Variants in CARS1 observed in about 807,000 individuals in gnomAD.
CARS1 encodes the protein cysteinyl-tRNA synthetase 1.
CARS1 carries 48 observed loss-of-function variants against 106.2 expected under a neutral mutation model. That is an observed-to-expected ratio of 0.45 (90% confidence interval 0.36 to 0.57). CARS1 has a LOEUF of 0.57. CARS1 is among the 20% of genes least tolerant of loss of function. CARS1 has a pLI of 0.00. For missense variants in CARS1, 968 were observed against 1,057.2 expected (o/e 0.92, Z 1.17); for synonymous variants, 409 against 403.4 (o/e 1.01, Z -0.17).
Position 3,039,753 on chromosome 11 carries a change from CATT to C in CARS1, c.552+79_552+81del. ...GAAAACACAAGCTAGCTCAAGCCTA[CATT>C]ATTTACTTATGCGAAAGTTCTATCT... On this transcript the variant is annotated intron_variant, in intron 5 of 22. Coordinates refer to ENST00000380525, the MANE Select transcript of CARS1 (RefSeq NM_001014437.3). The surrounding 1 kb of genome is among the most constrained non-coding windows in gnomAD (Gnocchi z 5.6). The C allele has an allele frequency of 1.5e-6, 1 of 681,790 alleles. No homozygotes were observed. The highest frequency in any genetic ancestry group is 2.8e-5 in the East Asian group (1 of 35,170). 42.2% of individuals were successfully genotyped at this position (681,790 alleles called of 1,614,324 possible).
intron 22 of CARS1, 151 bp from the exon 23 acceptor site, chr11:3,001,399 C>T (rs2301140): frequency 0.37 from 311,858 of 835,508 alleles, 61,478 homozygotes; most frequent in South Asian, 0.4. Context: ...TGCTCTGGAG[C>T]CAGCACACTC....
At position 3,047,761 on chromosome 11, in the gene CARS1, A is replaced by G. The variant is rs1340438501; in HGVS notation, c.266T>C (p.Leu89Pro). Reference sequence around the variant, plus strand: ...CCCACTCTGTTACTCACTTGCTTGGAGCCTGCAGGGCTGGCCTTTGCCACA... The same window carrying G: ...CCCACTCTGTTACTCACTTGCTTGGGGCCTGCAGGGCTGGCCTTTGCCACA... ...SPCGKGQPCR[L>P]QASKGRRVQP... The change falls in exon 2 of 23, where the codon CTC becomes CCC. Residue 89 changes from leucine to proline, a missense_variant. Coordinates refer to ENST00000380525, the MANE Select transcript of CARS1 (RefSeq NM_001014437.3). The G allele has an allele frequency of 1.9e-6, 3 of 1,610,192 alleles. No individual in the cohort carries two copies. The South Asian group carries it at 3.3e-5, about 18-fold the overall frequency.
At chr11:3,006,092 T>C (rs1362717484) in intron 19 of CARS1, among the ~76,000 whole-genome samples, 1 of 152,210 alleles carries the variant, frequency 6.6e-6, no homozygotes, top group Admixed American at 6.5e-5. Context: ...GATTTGATCA[T>C]AGTACCTCAT....
At chr11:3,018,160 G>A in intron 14 of CARS1, 1 of 613,326 alleles carries the variant, frequency 1.6e-6, no homozygotes, top group Non-Finnish European at 2.9e-6. Context: ...TTGGTGGAAA[G>A]TACAAGTCAG....
At position 3,041,333 on chromosome 11, in the gene CARS1, C is replaced by A; in HGVS notation, c.367-349G>T. On this transcript the variant is annotated intron_variant, in intron 3 of 22. Coordinates refer to ENST00000380525, the MANE Select transcript of CARS1 (RefSeq NM_001014437.3). This position sits in a 1 kb window ranked among gnomAD's most constrained non-coding sequence, Gnocchi z 4.9. ...TACTGAGTACCTACCATGTGCCAGG[C>A]CCTGAGCTAAATATTCAATATGCAG... 1 of 278,740 alleles carries A rather than the reference C, an allele frequency of 3.6e-6. No homozygotes were observed. Among genetic ancestry groups the A allele is most frequent in the South Asian group, 4.1e-5 (1 of 24,620 alleles). 17.3% of individuals were successfully genotyped at this position (278,740 alleles called of 1,614,324 possible). A position where few individuals can be genotyped will look rare whatever the true frequency, so the allele number is the denominator to read the frequency against.
chr11:3,010,133 A>G lies in CARS1; in HGVS notation c.2068+2062T>C, dbSNP rs145139812. Among the ~76,000 whole-genome samples, 742 of 152,346 alleles carry G rather than the reference A, an allele frequency of 4.9e-3. 5 individuals carry two copies. The highest frequency in any genetic ancestry group is 0.017 in the African/African-American group (706 of 41,578). On this transcript the variant is annotated intron_variant, in intron 18 of 22. Coordinates refer to ENST00000380525, the MANE Select transcript of CARS1 (RefSeq NM_001014437.3). The stretch of plus-strand genomic sequence containing the variant: ...AGAAAGCAAAACCGAACTACTTCCA[A>G]TGCTGGCTGGCTGGTGCCACTCTCC...
At position 3,038,217 on chromosome 11, in the gene CARS1, C is replaced by T. The variant is rs1289384370; in HGVS notation, c.652-18G>A. 6.2e-6 allele frequency: 10 copies of T among 1,611,078 alleles called. No homozygotes were observed. Among genetic ancestry groups the T allele is most frequent in the East Asian group, 4.5e-5 (2 of 44,852 alleles). On this transcript the variant is annotated intron_variant, in intron 6 of 22. Coordinates refer to ENST00000380525, the MANE Select transcript of CARS1 (RefSeq NM_001014437.3). The surrounding 1 kb of genome is among the most constrained non-coding windows in gnomAD (Gnocchi z 4.0). ...GAAAATGGCTGCAACCATAAAGAGA[C>T]GTCAAATCTATTAGATACTGCTCAG... is the stretch of plus-strand genomic sequence containing the variant.
Position 3,029,419 on chromosome 11 carries a change from A to T in CARS1, c.826T>A (p.Leu276Met). 1 of 1,614,042 alleles carries T rather than the reference A, an allele frequency of 6.2e-7. No homozygotes were observed. Reference sequence around the variant, plus strand: ...GTAGAATCCAGCCAGTCAGAGAGCAAATCCTTGGCTTCTTCCAGCAACACC... The same window carrying T: ...GTAGAATCCAGCCAGTCAGAGAGCATATCCTTGGCTTCTTCCAGCAACACC... Reference protein sequence around the residue: ...VEVLLEEAKDLLSDWLDSTLG... With the variant: ...VEVLLEEAKDMLSDWLDSTLG... The change falls in exon 8 of 23, where the codon TTG (leucine) becomes ATG (methionine). Residue 276 changes from leucine (L) to methionine (M), a missense_variant. Coordinates refer to ENST00000380525, the MANE Select transcript of CARS1 (RefSeq NM_001014437.3). This position sits in a 1 kb window ranked among gnomAD's most constrained non-coding sequence, Gnocchi z 5.9.
At chr11:3,016,984 A>T in intron 16 of CARS1, 122 bp downstream of exon 16, 2 of 737,122 alleles carry the variant, frequency 2.7e-6, no homozygotes, top group Non-Finnish European at 4.4e-6. Flanking sequence ...TCCACGTCTC[A>T]GAGGTGCTGG....
rs762313201 is a variant in CARS1 at position 3,006,882 on chromosome 11, C to T, written c.2146G>A (p.Glu716Lys). ...CAAACAGCAAGGGCTCACCCACCTT[C>T]GTGGTCTTCAAACCGCACCCCAAGC... is the stretch of plus-strand genomic sequence containing the variant. ...PELGVRFEDHEGLPTVVKLVD... is the reference protein window; with the variant it reads ...PELGVRFEDHKGLPTVVKLVD... Residue 716 changes from glutamate to lysine, a missense_variant, in exon 19 of 23, where the codon GAA becomes AAA. Glu to Lys is a moderately conservative substitution (Grantham distance 56). Transcript: ENST00000380525. The T allele has an allele frequency of 6.2e-6, 10 of 1,613,514 alleles. No individual in the cohort carries two copies. In the East Asian group the frequency reaches 1.3e-4, roughly 22 times the overall value.
chr11:3,050,523 C>T lies in CARS1; in HGVS notation c.26-2522G>A, dbSNP rs912723181. ...ACCTGGATTCCTGCAAGCCAGACAC[C>T]GCCACCTGTAGCCAGCATGGCTCTC... On this transcript the variant is annotated intron_variant, in intron 1 of 22. Coordinates refer to ENST00000380525, the MANE Select transcript of CARS1 (RefSeq NM_001014437.3). This position sits in a 1 kb window ranked among gnomAD's most constrained non-coding sequence, Gnocchi z 6.3. 1.3e-5 allele frequency among the ~76,000 whole-genome samples: 2 copies of T among 152,336 alleles called. No homozygotes were observed. Among genetic ancestry groups the T allele is most frequent in the South Asian group, 2.1e-4 (1 of 4,820 alleles).
chr11:3,006,733 G>T, intron 19 of CARS1, 146 bp downstream of exon 19: 2 of 738,938 alleles, frequency 2.7e-6, no homozygotes, highest in Middle Eastern at 2.4e-4. Flanking sequence ...CGTGGGAATG[G>T]CGCCGGGGGA....
At chr11:3,016,368 C>T (rs568620252) in intron 16 of CARS1, among the ~76,000 whole-genome samples, 24 of 152,146 alleles carry the variant, frequency 1.6e-4, no homozygotes, top group Non-Finnish European at 2.6e-4. Flanking sequence ...CTACAGGAAC[C>T]CGCCACCATG....
Position 3,047,993 on chromosome 11 carries a change from A to T in CARS1, c.34T>A (p.Tyr12Asn), listed in dbSNP as rs1033535899. Residue 12 changes from tyrosine to asparagine, a missense_variant, in exon 2 of 23, where the codon TAC becomes AAC. Physicochemically the swap from Tyr to Asn is moderately radical, Grantham distance 143. Coordinates refer to ENST00000380525, the MANE Select transcript of CARS1 (RefSeq NM_001014437.3). The part of the protein sequence containing the change: ...ADSSGQQAPD[Y>N]RSILSISDEA... ...TCACTAATGCTCAGAATGGACCTGT[A>T]GTCAGGAGCTGCAAAGACAGAGGGC... 6.2e-7 allele frequency: 1 copy of T among 1,612,996 alleles called. No individual in the cohort carries two copies. Among genetic ancestry groups the T allele is most frequent in the Non-Finnish European group, 8.5e-7 (1 of 1,179,372 alleles).
Position 3,037,990 on chromosome 11 carries a change from T to C in CARS1, c.801+60A>G. 6.6e-7 allele frequency: 1 copy of C among 1,521,938 alleles called. No homozygotes were observed. Among genetic ancestry groups the C allele is most frequent in the Non-Finnish European group, 9.0e-7 (1 of 1,107,678 alleles). 94.3% of individuals were successfully genotyped at this position (1,521,938 alleles called of 1,614,324 possible). ...GAATCAATCCGTGCACACAGATCAG[T>C]CTATGCACGGCCCGACATTTGACCC... On this transcript the variant is annotated intron_variant, in intron 7 of 22. Transcript: ENST00000380525. This position sits in a 1 kb window ranked among gnomAD's most constrained non-coding sequence, Gnocchi z 5.9.
In CARS1 at chr11:3,053,427, C is replaced by T. The variant is rs1351601281; in HGVS notation, c.25+3916G>A. On this transcript the variant is annotated intron_variant, in intron 1 of 22. Transcript: ENST00000380525. This position sits in a 1 kb window ranked among gnomAD's most constrained non-coding sequence, Gnocchi z 6.6. ...TGTATTTTTAGTAGAGACGGGGTTT[C>T]TACATATTGGCCAGGCTGGTCTAGA... Among the ~76,000 whole-genome samples, 1 of 152,096 alleles carries T rather than the reference C, an allele frequency of 6.6e-6. No individual in the cohort carries two copies. Among genetic ancestry groups the T allele is most frequent in the African/African-American group, 2.4e-5 (1 of 41,410 alleles).
In CARS1 at chr11:3,026,768, T is replaced by A; in HGVS notation, c.1061A>T (p.Asp354Val). 3 of 1,613,762 alleles carry A rather than the reference T, an allele frequency of 1.9e-6. No homozygotes were observed. The highest frequency in any genetic ancestry group is 2.5e-6 in the Non-Finnish European group (3 of 1,179,882). The change falls in exon 10 of 23, where the codon GAT becomes GTT. Residue 354 changes from aspartate (D) to valine (V), a missense_variant. Physicochemically the swap from Asp to Val is radical, Grantham distance 152. Transcript: ENST00000380525. ...CTCGCTAGAAGCAAACTTCGCTGTATCAAAGTAGACAGACCCATTGGAGAC... is the reference window on the plus strand; with the variant it reads ...CTCGCTAGAAGCAAACTTCGCTGTAACAAAGTAGACAGACCCATTGGAGAC... ...GYVSNGSVYF[D>V]TAKFASSEKH...
intron 18 of CARS1, among the ~76,000 whole-genome samples, chr11:3,010,260 G>A (rs554025187): frequency 6.6e-6 from 1 of 152,368 alleles, no homozygotes; most frequent in East Asian, 1.9e-4. Flanking sequence ...TGCCAGGGAA[G>A]CCAAGGCCAC....
chr11:3,045,722 C>T lies in CARS1; in HGVS notation c.274+2031G>A, dbSNP rs961299836. On this transcript the variant is annotated intron_variant, in intron 2 of 22. Transcript: ENST00000380525. The surrounding 1 kb of genome is among the most constrained non-coding windows in gnomAD (Gnocchi z 5.6). Reference sequence around the variant, plus strand: ...GTGGAAGGGCGAGCAGGAGGAGGGGCACATGGCCCACTGTGCCAGCAAGGA... The same window carrying T: ...GTGGAAGGGCGAGCAGGAGGAGGGGTACATGGCCCACTGTGCCAGCAAGGA... 6.6e-6 allele frequency among the ~76,000 whole-genome samples: 1 copy of T among 152,178 alleles called. No homozygotes were observed. Among genetic ancestry groups the T allele is most frequent in the Admixed American group, 6.5e-5 (1 of 15,284 alleles).
Sources: allele counts gnomAD v4.1 joint callset (sites outside exome capture counted in the v4.1 genomes callset), GRCh38; gene constraint gnomAD v4.1.1; non-coding constraint Gnocchi (gnomAD v3.1); transcripts MANE v1.5; gene names NCBI Gene and HGNC (gene_info 2026-07-23, HGNC 2026-07-21).